The following TBC1D32 variants were observed in gnomAD, a reference collection of about 807,000 sequenced individuals.
The protein encoded by TBC1D32 is TBC1 domain family member 32, also known as protein broad-minded.
TBC1D32 carries 151 observed loss-of-function variants against 170.3 expected under a neutral mutation model. The observed-to-expected ratio is 0.89, with a 90% CI of 0.78 to 1.01. The LOEUF is 1.01. Ranked by LOEUF, TBC1D32 falls within the 50% of genes least tolerant of loss-of-function variation. The pLI is 0.00. For missense variants in TBC1D32, 1,464 were observed against 1,457.1 expected (o/e 1.00, Z -0.08); for synonymous variants, 498 against 488.0 (o/e 1.02, Z -0.27).
chr6:121,226,127 T>C (rs1795029071), intron 20 of TBC1D32, among the ~76,000 whole-genome samples: 1 of 152,178 alleles, frequency 6.6e-6, no homozygotes, highest in South Asian at 2.1e-4. Flanking sequence ...TATTCACTTA[T>C]TCACTAAAAA....
intron 22 of TBC1D32, among the ~76,000 whole-genome samples, chr6:121,173,807 T>C: frequency 6.6e-6 from 1 of 151,998 alleles, no homozygotes. Context: ...ACCAGGAGCA[T>C]GACCCTAGCT....
rs151209190 is a variant in TBC1D32 at position 121,267,052 on chromosome 6, T to C, written c.1734-10767A>G. 1.6e-3 allele frequency among the ~76,000 whole-genome samples: 224 copies of C among 143,088 alleles called. 10 individuals are homozygous for C. The East Asian group carries it at 0.044, about 28-fold the overall frequency. The allele number at this position is 143,088 out of a possible 152,430, so 93.9% of individuals were successfully genotyped here. A position where few individuals can be genotyped will look rare whatever the true frequency, so the allele number is the denominator to read the frequency against. ...GTAACAAACATGCATGTTCTGCACA[T>C]GTATCCTGGAACTTAAAAGTAAAAT... On this transcript the variant is annotated intron_variant, in intron 15 of 31. Coordinates refer to ENST00000398212, the MANE Select transcript of TBC1D32 (RefSeq NM_152730.6).
At chr6:121,306,637 T>C (rs1430707315) in intron 5 of TBC1D32, among the ~76,000 whole-genome samples, 1 of 152,222 alleles carries the variant, frequency 6.6e-6, no homozygotes, top group Admixed American at 6.5e-5. Context: ...CCAATTTGTG[T>C]TTAAAATGCA....
intron 1 of TBC1D32, among the ~76,000 whole-genome samples, chr6:121,323,847 G>GGA (rs2128505938): frequency 6.6e-6 from 1 of 152,284 alleles, no homozygotes; most frequent in Admixed American, 6.5e-5. Context: ...GGCTGAGGCA[G>GGA]GAGAATCACT....
intron 22 of TBC1D32, among the ~76,000 whole-genome samples, chr6:121,201,401 C>A (rs181521063): frequency 6.6e-6 from 1 of 151,484 alleles, no homozygotes; most frequent in East Asian, 1.9e-4. Flanking sequence ...AAAGGAACTA[C>A]TTTTTAACAC....
chr6:121,260,379 A>G (rs1799598757), intron 15 of TBC1D32, among the ~76,000 whole-genome samples: 2 of 152,224 alleles, frequency 1.3e-5, no homozygotes, highest in South Asian at 4.1e-4. Context: ...ATGGCCAACT[A>G]GAAGCAGCGG....
chr6:121,322,923 C>T (rs1809943798), intron 1 of TBC1D32, among the ~76,000 whole-genome samples: 1 of 151,938 alleles, frequency 6.6e-6, no homozygotes, highest in African/African-American at 2.4e-5. Context: ...TGACATTATG[C>T]TATAATTATA....
intron 31 of TBC1D32, among the ~76,000 whole-genome samples, chr6:121,084,924 T>C (rs991135532): frequency 1.3e-5 from 2 of 152,010 alleles, no homozygotes; most frequent in African/African-American, 4.8e-5. Context: ...TAAAATATAA[T>C]ATAGCTCTTT....
chr6:121,282,635 C>T (rs9320801), intron 13 of TBC1D32, among the ~76,000 whole-genome samples: 100,082 of 151,552 alleles, frequency 0.66, 38,060 homozygotes, highest in Non-Finnish European at 0.85. Flanking sequence ...TATTGATGAG[C>T]ATATGGTCAT....
intron 24 of TBC1D32, among the ~76,000 whole-genome samples, chr6:121,151,174 C>T (rs1784164966): frequency 6.6e-6 from 1 of 152,044 alleles, no homozygotes; most frequent in South Asian, 2.1e-4. Flanking sequence ...ACTGCTTTAG[C>T]TGTGTCCCAG....
At chr6:121,295,281 C>T (rs1805441264) in intron 10 of TBC1D32, among the ~76,000 whole-genome samples, 1 of 123,738 alleles carries the variant, frequency 8.1e-6, no homozygotes, top group South Asian at 2.5e-4. Context: ...GGCCTCTTAT[C>T]CTAATTCCAA....
intron 24 of TBC1D32, among the ~76,000 whole-genome samples, chr6:121,134,101 A>G (rs751430922): frequency 2.6e-5 from 4 of 152,122 alleles, no homozygotes; most frequent in Non-Finnish European, 5.9e-5. Context: ...TCCACATTAC[A>G]TATTGCCAAG....
chr6:121,123,920 A>G (rs1038875194), intron 26 of TBC1D32, among the ~76,000 whole-genome samples: 2 of 150,970 alleles, frequency 1.3e-5, no homozygotes, highest in African/African-American at 4.9e-5. Context: ...TCCTATAGTT[A>G]TTATGATGTT....
chr6:121,235,860 G>C (rs1352292545), intron 20 of TBC1D32, among the ~76,000 whole-genome samples: 1 of 152,224 alleles, frequency 6.6e-6, no homozygotes, highest in Non-Finnish European at 1.5e-5. Context: ...CTGAGCAGGA[G>C]CTGCAAGCTA....
At chr6:121,202,130 G>C (rs942379266) in intron 22 of TBC1D32, among the ~76,000 whole-genome samples, 3 of 150,606 alleles carry the variant, frequency 2.0e-5, no homozygotes, top group African/African-American at 7.5e-5. Context: ...GATATAAATG[G>C]GGGCATCTAC....
intron 1 of TBC1D32, among the ~76,000 whole-genome samples, chr6:121,325,364 T>C (rs549007805): frequency 8.0e-5 from 6 of 75,192 alleles, no homozygotes; most frequent in Non-Finnish European, 1.9e-4. Context: ...TCACGCTACC[T>C]GACTTCAAAC....
rs771667023 is a variant in TBC1D32, at chr6:121,304,738, T to C, written c.769+17A>G. On this transcript the variant is annotated intron_variant, in intron 6 of 31. Transcript: ENST00000398212. ...GCAAATGACAAAAAACATTTTTAAA[T>C]GTTTTCACAAACATACCTAAGCTTG... 3.2e-6 allele frequency: 5 copies of C among 1,578,394 alleles called. No individual in the cohort carries two copies. The highest frequency in any genetic ancestry group is 3.4e-6 in the Non-Finnish European group (4 of 1,159,466).
At chr6:121,323,072 A>G (rs1195976895) in intron 1 of TBC1D32, among the ~76,000 whole-genome samples, 1 of 152,176 alleles carries the variant, frequency 6.6e-6, no homozygotes, top group East Asian at 1.9e-4. Context: ...TGGCACTAAC[A>G]GCATTATTTT....
intron 3 of TBC1D32, among the ~76,000 whole-genome samples, chr6:121,314,865 TC>T (rs1261268717): frequency 6.6e-6 from 1 of 152,162 alleles, no homozygotes. Flanking sequence ...ATTTCAGCAT[TC>T]CCTTTAAGAG....
Sources: gnomAD v4.1 joint callset for allele counts (sites outside exome capture counted in the v4.1 genomes callset) on GRCh38, gnomAD v4.1.1 for gene constraint, MANE v1.5 for transcripts, NCBI Gene and HGNC (gene_info 2026-07-23, HGNC 2026-07-21) for gene names.